Variants in SPRY3 observed in about 807,000 individuals in gnomAD.
SPRY3 encodes the protein sprouty RTK signaling antagonist 3, also known as protein sprouty homolog 3.
SPRY3 carries 15 observed loss-of-function variants against 20.2 expected under a neutral mutation model. The observed-to-expected ratio is 0.74, with a 90% confidence interval of 0.50 to 1.14. SPRY3 has a LOEUF of 1.14. SPRY3 is among the 50% of genes most tolerant of loss of function. The pLI is 0.00. For synonymous variants in SPRY3, 143 were observed against 136.5 expected (o/e 1.05, Z -0.33); for missense variants, 364 against 363.9 (o/e 1.00, Z 0.00).
intron 2 of SPRY3, among the ~76,000 whole-genome samples, chrX:155,670,623 A>G (rs2068037352): frequency 8.9e-6 from 1 of 111,897 alleles, no homozygotes; most frequent in Non-Finnish European, 1.9e-5. Context: ...TTTTATTTGT[A>G]TTTTTCTTTA....
intron 3 of SPRY3, 127 bp downstream of exon 2, chrX:155,768,263 C>A (rs1170964716): frequency 1.3e-5 from 2 of 151,832 alleles, no homozygotes; most frequent in Admixed American, 6.6e-5. Context: ...TGGGCGCGCG[C>A]GCGCAAGCGC....
chrX:155,755,701 A>C (rs2124586851), intron 2 of SPRY3, among the ~76,000 whole-genome samples: 1 of 152,246 alleles, frequency 6.6e-6, no homozygotes, highest in African/African-American at 2.4e-5. Context: ...CAGCCTGGGA[A>C]GATTTTAAAA....
At chrX:155,725,683 T>A (rs1018947762) in intron 2 of SPRY3, among the ~76,000 whole-genome samples, 6 of 152,176 alleles carry the variant, frequency 3.9e-5, no homozygotes, top group African/African-American at 1.2e-4. Context: ...TATCATTTTT[T>A]ATTGCATCTA....
intron 2 of SPRY3, among the ~76,000 whole-genome samples, chrX:155,742,329 C>T (rs1178179684): frequency 6.6e-6 from 1 of 152,040 alleles, no homozygotes; most frequent in Admixed American, 6.6e-5. Flanking sequence ...ACAGAAGCAC[C>T]CAGATTCATA....
At chrX:155,767,755 AG>A (rs1569400142) in intron 2 of SPRY3, 2 of 143,624 alleles carry the variant, frequency 1.4e-5, no homozygotes, top group African/African-American at 5.4e-5. Context: ...GGAGGAGGAG[AG>A]AGAGGAGGAG....
chrX:155,746,170 CT>C (rs202053721), intron 2 of SPRY3, among the ~76,000 whole-genome samples: 1,914 of 151,284 alleles, frequency 0.013, 94 homozygotes, highest in Admixed American at 0.1. Context: ...AAATTCTTCT[CT>C]TTTCTTCAAA....
At chrX:155,709,247 CT>C (rs1193461735) in intron 2 of SPRY3, among the ~76,000 whole-genome samples, 1 of 151,746 alleles carries the variant, frequency 6.6e-6, no homozygotes, top group African/African-American at 2.4e-5. Flanking sequence ...AACCTCCAAA[CT>C]GTTCTCCATA....
intron 2 of SPRY3, among the ~76,000 whole-genome samples, chrX:155,681,205 C>T (rs780653141): frequency 6.3e-5 from 7 of 111,193 alleles, no homozygotes; most frequent in Non-Finnish European, 9.4e-5. Flanking sequence ...GGCGGTTTCC[C>T]CCATACTGTT....
intron 2 of SPRY3, among the ~76,000 whole-genome samples, chrX:155,726,723 T>A (rs962444462): frequency 5.9e-5 from 9 of 152,210 alleles, no homozygotes; most frequent in African/African-American, 2.2e-4. Context: ...TCTCTGCACA[T>A]GATATGGGTC....
chrX:155,660,590 C>T (rs782123319), intron 2 of SPRY3, among the ~76,000 whole-genome samples: 3 of 111,198 alleles, frequency 2.7e-5, no homozygotes, highest in Non-Finnish European at 5.7e-5. Context: ...TTTTCTGCCT[C>T]GGTGATCTGT....
At chrX:155,767,749 G>T (rs759660630) in intron 2 of SPRY3, 171 of 149,302 alleles carry the variant, frequency 1.1e-3, no homozygotes, top group Non-Finnish European at 2.0e-3. Context: ...AGAGGAGGAG[G>T]AGGAGAGAGA....
chrX:155,751,158 CT>C (rs2091260350), intron 2 of SPRY3, among the ~76,000 whole-genome samples: 1 of 151,722 alleles, frequency 6.6e-6, no homozygotes, highest in East Asian at 1.9e-4. Flanking sequence ...GAAAAGATGG[CT>C]TGAAAAGGGG....
intron 2 of SPRY3, among the ~76,000 whole-genome samples, chrX:155,714,106 G>GT (rs1168844726): frequency 3.3e-5 from 5 of 151,982 alleles, no homozygotes; most frequent in East Asian, 1.9e-4. Flanking sequence ...TCTTCTTTAT[G>GT]TTTTTTTGAA....
chrX:155,699,425 G>A (rs2068128976), intron 2 of SPRY3, among the ~76,000 whole-genome samples: 1 of 111,955 alleles, frequency 8.9e-6, no homozygotes. Flanking sequence ...AGAACTTGGA[G>A]GGGTCAGTGT....
intron 2 of SPRY3, among the ~76,000 whole-genome samples, chrX:155,713,165 C>T (rs2090998793): frequency 6.6e-6 from 1 of 151,990 alleles, no homozygotes; most frequent in Admixed American, 6.6e-5. Flanking sequence ...CATAGGTATA[C>T]ATGTGCCATG....
intron 2 of SPRY3, among the ~76,000 whole-genome samples, chrX:155,692,394 TATGTCTATGCTTTCACCA>T (rs2068106048): frequency 9.0e-6 from 1 of 111,722 alleles, no homozygotes; most frequent in African/African-American, 3.2e-5. Flanking sequence ...CAGTGACCTA[TATGTCTATGCTTTCACCA>T]ATGTCTAGCT....
chrX:155,757,085 C>G (rs2091286323), intron 2 of SPRY3, among the ~76,000 whole-genome samples: 1 of 152,138 alleles, frequency 6.6e-6, no homozygotes, highest in Non-Finnish European at 1.5e-5. Context: ...TGTCATTCCT[C>G]TGCACAAAAC....
At chrX:155,658,717 T>C (rs1183374720) in intron 2 of SPRY3, among the ~76,000 whole-genome samples, 1 of 112,030 alleles carries the variant, frequency 8.9e-6, no homozygotes, top group Non-Finnish European at 1.9e-5. Flanking sequence ...CTTCCAGTAG[T>C]ATGCTCAATA....
At chrX:155,688,787 C>G (rs986624245) in intron 2 of SPRY3, among the ~76,000 whole-genome samples, 2 of 97,904 alleles carry the variant, frequency 2.0e-5, no homozygotes, top group Non-Finnish European at 4.0e-5. Flanking sequence ...ATTTATCAAC[C>G]CATCACCTAG....
Sources: gnomAD v4.1 joint callset for allele counts (sites outside exome capture counted in the v4.1 genomes callset) on GRCh38, gnomAD v4.1.1 for gene constraint, MANE v1.5 for transcripts, NCBI Gene and HGNC (gene_info 2026-07-23, HGNC 2026-07-21) for gene names.